Variants in UBE2L3 observed in about 807,000 individuals in gnomAD.
UBE2L3 encodes ubiquitin-conjugating enzyme E2 L3.
In UBE2L3, 1 loss-of-function variant was observed where a neutral mutation model predicts 17.8. The ratio of observed to expected loss-of-function variants is 0.06; its 90% CI spans 0.02 to 0.27. The LOEUF (loss-of-function observed/expected upper bound fraction) is 0.27, where lower values mean the gene tolerates loss of function less well. Ranked by LOEUF, UBE2L3 falls within the 10% of genes least tolerant of loss-of-function variation. The pLI is 1.00. For synonymous variants in UBE2L3, 44 were observed against 68.5 expected (o/e 0.64, Z 1.76); for missense variants, 40 against 192.6 (o/e 0.21, Z 4.69).
At chr22:21,613,942 C>G (rs546468615) in intron 3 of UBE2L3, among the ~76,000 whole-genome samples, 4 of 152,334 alleles carry the variant, frequency 2.6e-5, no homozygotes, top group African/African-American at 9.6e-5. Flanking sequence ...GGTGTCACTT[C>G]TGTGGATTCT....
chr22:21,553,026 C>T (rs1362528537), intron 1 of UBE2L3, among the ~76,000 whole-genome samples: 1 of 6,868 alleles, frequency 1.5e-4, no homozygotes, highest in Non-Finnish European at 3.5e-4. Flanking sequence ...GCGCATGGCC[C>T]TTTATTTTAT....
At chr22:21,581,639 C>T (rs1927643845) in intron 1 of UBE2L3, among the ~76,000 whole-genome samples, 2 of 151,562 alleles carry the variant, frequency 1.3e-5, no homozygotes, top group South Asian at 4.2e-4. Flanking sequence ...CCTGACTCTA[C>T]TGAAAATACA....
intron 3 of UBE2L3, among the ~76,000 whole-genome samples, chr22:21,618,960 ACTC>A (rs530309425): frequency 8.0e-4 from 122 of 152,030 alleles, no homozygotes; most frequent in African/African-American, 2.8e-3. Context: ...TGAGGTGAAA[ACTC>A]CTGAGCGTGC....
chr22:21,578,646 C>T (rs184478321), intron 1 of UBE2L3, among the ~76,000 whole-genome samples: 13 of 152,222 alleles, frequency 8.5e-5, no homozygotes, highest in African/African-American at 1.7e-4. Flanking sequence ...GAATGAGGCC[C>T]GGCAGCCAGA....
upstream of UBE2L3, among the ~76,000 whole-genome samples, chr22:21,565,314 A>C (rs983223597): frequency 6.6e-6 from 1 of 150,874 alleles, no homozygotes; most frequent in Non-Finnish European, 1.5e-5. Flanking sequence ...GGATGGTCTC[A>C]ATCTCCTGAC....
intron 1 of UBE2L3, among the ~76,000 whole-genome samples, chr22:21,558,642 A>C (rs1426784681): frequency 1.8e-4 from 28 of 152,146 alleles, no homozygotes; most frequent in African/African-American, 6.0e-4. Context: ...AAAAAAAAAA[A>C]AAAAAAACAC....
intron 1 of UBE2L3, among the ~76,000 whole-genome samples, chr22:21,582,529 G>GT (rs1001299057): frequency 5.3e-5 from 8 of 150,954 alleles, no homozygotes; most frequent in African/African-American, 1.9e-4. Context: ...AATTTTTGTA[G>GT]TTTTTTGTTT....
intron 1 of UBE2L3, among the ~76,000 whole-genome samples, chr22:21,579,300 A>C (rs1927500319): frequency 1.3e-5 from 2 of 152,050 alleles, no homozygotes; most frequent in South Asian, 4.1e-4. Flanking sequence ...CCCCAGGTGT[A>C]ATTAGTTATG....
Position 21,556,856 on chromosome 22 carries a change from C to A in UBE2L3, c.201+7206C>A, listed in dbSNP as rs1189507013. Among the ~76,000 whole-genome samples the A allele has an allele frequency of 2.6e-5, 4 of 152,256 alleles. No homozygotes were observed. The East Asian group carries it at 7.7e-4, about 29-fold the overall frequency. On this transcript the variant is annotated intron_variant, in intron 1 of 3. Transcript: ENST00000458578. ...AGATCACGAGGTCAGGAGTTCGAGCCCAGCCTGGCCAATATGGTGAAACCC... is the reference window on the plus strand; with the variant it reads ...AGATCACGAGGTCAGGAGTTCGAGCACAGCCTGGCCAATATGGTGAAACCC...
In UBE2L3 at chr22:21,582,588, C is replaced by T. The variant is rs975118611; in HGVS notation, c.28-10273C>T. The stretch of plus-strand genomic sequence containing the variant: ...TTGCCCAGCCTGGAGTGCAATGGCG[C>T]GATCTCGGCTCACTGCAACCTCTGC... On this transcript the variant is annotated intron_variant, in intron 1 of 3. Transcript: ENST00000342192. Among the ~76,000 whole-genome samples the T allele has an allele frequency of 5.9e-5, 9 of 152,128 alleles. No individual in the cohort carries two copies. In the East Asian group the frequency reaches 9.6e-4, roughly 16 times the overall value.
chr22:21,618,609 G>A (rs1177028290), intron 3 of UBE2L3, among the ~76,000 whole-genome samples: 5 of 147,464 alleles, frequency 3.4e-5, no homozygotes, highest in Non-Finnish European at 7.5e-5. Flanking sequence ...TTTTTTTTGC[G>A]ATAGGGTCTT....
chr22:21,587,934 C>T (rs1251942351), intron 1 of UBE2L3, among the ~76,000 whole-genome samples: 2 of 152,116 alleles, frequency 1.3e-5, no homozygotes, highest in African/African-American at 4.8e-5. Flanking sequence ...ACTTGGGCTC[C>T]GAAGTGGACC....
chr22:21,607,351 A>G lies in UBE2L3; in HGVS notation c.124-3506A>G, dbSNP rs147062101. Among the ~76,000 whole-genome samples the G allele has an allele frequency of 9.7e-3, 1,451 of 149,780 alleles. 27 individuals carry two copies. Among genetic ancestry groups the G allele is most frequent in the African/African-American group, 0.035 (1,382 of 39,862 alleles). On this transcript the variant is annotated intron_variant, in intron 2 of 3. Coordinates refer to ENST00000342192, the MANE Select transcript of UBE2L3 (RefSeq NM_003347.4). The stretch of plus-strand genomic sequence containing the variant: ...GTGAAACCCCATCTCTACTAAAAAT[A>G]CAAAAAAAAAAAAATTAGTCGGGCA...
chr22:21,557,821 G>A (rs57645628), intron 1 of UBE2L3, among the ~76,000 whole-genome samples: 10,073 of 151,474 alleles, frequency 0.066, 650 homozygotes, highest in African/African-American at 0.23. Context: ...GCACCCGGCC[G>A]GCAGATCTAC....
chr22:21,611,709 C>T (rs928287801), intron 3 of UBE2L3, among the ~76,000 whole-genome samples: 7 of 152,162 alleles, frequency 4.6e-5, no homozygotes, highest in Non-Finnish European at 1.0e-4. Context: ...GGTTGTCCTC[C>T]CTTTTGTCCC....
chr22:21,568,045 T>A (rs933424855), intron 1 of UBE2L3: 19 of 1,274,958 alleles, frequency 1.5e-5, no homozygotes, highest in Non-Finnish European at 1.9e-5. Context: ...CTTGGCCGCG[T>A]CCCCCTGTCG....
chr22:21,607,715 C>T (rs1010662510), intron 2 of UBE2L3, among the ~76,000 whole-genome samples: 4 of 151,706 alleles, frequency 2.6e-5, no homozygotes, highest in African/African-American at 4.8e-5. Context: ...ATCTCTCAGG[C>T]TCCTGGGGCC....
rs563746964 is a variant in UBE2L3 at position 21,570,700 on chromosome 22, C to T, written c.27+2929C>T. 6.6e-5 allele frequency among the ~76,000 whole-genome samples: 10 copies of T among 151,986 alleles called. No individual in the cohort carries two copies. The East Asian group carries it at 1.7e-3, about 26-fold the overall frequency. The stretch of plus-strand genomic sequence containing the variant: ...TGGCTGTGAGAATCAATGTTTAAGA[C>T]TGTTTTTTTTTTCTTTTAAAGGAAG... On this transcript the variant is annotated intron_variant, in intron 1 of 3. Transcript: ENST00000342192.
chr22:21,595,646 T>A (rs139661791), intron 2 of UBE2L3, among the ~76,000 whole-genome samples: 1 of 152,342 alleles, frequency 6.6e-6, no homozygotes, highest in East Asian at 1.9e-4. Context: ...TCTATTCCCT[T>A]TAAACATTTG....
Sources: gnomAD v4.1 joint callset for allele counts (sites outside exome capture counted in the v4.1 genomes callset) on GRCh38, gnomAD v4.1.1 for gene constraint, MANE v1.5 for transcripts, NCBI Gene and HGNC (gene_info 2026-07-23, HGNC 2026-07-21) for gene names.